The following CIP2A variants were observed in gnomAD, a reference collection of about 807,000 sequenced individuals.
CIP2A encodes the protein cellular inhibitor of PP2A, also known as protein CIP2A.
CIP2A carries 103 observed loss-of-function variants against 110.9 expected under a neutral mutation model. That is an observed-to-expected ratio of 0.93 (90% CI 0.79 to 1.09). The LOEUF (loss-of-function observed/expected upper bound fraction) is 1.09. CIP2A is among the 50% of genes least tolerant of loss of function. The pLI is 0.00. For synonymous variants in CIP2A, 381 were observed against 361.6 expected, an observed-to-expected ratio of 1.05 and a Z score of -0.61; for missense variants, 1,088 against 1,038.4, an observed-to-expected ratio of 1.05 and a Z score of -0.66.
chr3:108,588,064 C>CTTAAT (rs1939133915), intron 1 of CIP2A, among the ~76,000 whole-genome samples: 1 of 152,158 alleles, frequency 6.6e-6, no homozygotes, highest in Non-Finnish European at 1.5e-5. Flanking sequence ...AGGTGTAAGC[C>CTTAAT]CCTGTGCCTT....
chr3:108,565,385 A>G lies in CIP2A; in HGVS notation c.1485T>C (p.Gly495=). The G allele has an allele frequency of 1.3e-6, 2 of 1,596,848 alleles. No individual in the cohort carries two copies. ...LINKLKPLVP[G]MEVSFYKILQ... ...GTATTTTGTAGAAGCTTACTTCCAT[A>G]CCAGGAACCAATGGTTTAAGTTTGT... The change falls in exon 12 of 21, where the codon GGT becomes GGC. Residue 495 remains glycine, a synonymous_variant. Transcript: ENST00000295746.
intron 17 of CIP2A, among the ~76,000 whole-genome samples, chr3:108,557,006 T>C (rs1179756659): frequency 1.3e-5 from 2 of 152,168 alleles, no homozygotes; most frequent in Admixed American, 1.3e-4. Flanking sequence ...AGAAGTCAAC[T>C]GGAAAGACCT....
Position 108,589,313 on chromosome 3 carries a change from C to CA in CIP2A, c.62_63insT (p.Lys21AsnfsTer34). On this transcript the variant is annotated frameshift_variant, in exon 1 of 21. Coordinates refer to ENST00000295746, the MANE Select transcript of CIP2A (RefSeq NM_020890.3). LOFTEE classifies it high-confidence loss of function. ...AAAGCTGAGTGGCGTTCGCCTCTGA[C>CA]TTCACGGCTTTGTACTGACTGACAG... The CA allele has an allele frequency of 6.2e-7, 1 of 1,614,128 alleles. No individual in the cohort carries two copies. Among genetic ancestry groups the CA allele is most frequent in the Non-Finnish European group, 8.5e-7 (1 of 1,179,998 alleles).
At position 108,581,418 on chromosome 3, in the gene CIP2A, T is replaced by C. The variant is rs1238295809; in HGVS notation, c.546A>G (p.Thr182=). 4 of 1,600,688 alleles carry C rather than the reference T, an allele frequency of 2.5e-6. No individual in the cohort carries two copies. In the African/African-American group the frequency reaches 4.0e-5, roughly 16 times the overall value. ...HNLSVQTHIK[T]LSNVKSFYRT... ...TAAAAAGAAATAAACTTCTTACCAA[T>C]GTCTTTATGTGCGTTTGAACAGAAA... is the stretch of plus-strand genomic sequence containing the variant. Residue 182 remains threonine (T), a synonymous_variant, in exon 5 of 21, where the codon ACA becomes ACG. Transcript: ENST00000295746.
At chr3:108,563,704 T>A (rs1267047369) in intron 12 of CIP2A, among the ~76,000 whole-genome samples, 1 of 152,038 alleles carries the variant, frequency 6.6e-6, no homozygotes, top group Non-Finnish European at 1.5e-5. Flanking sequence ...CTTCAATCAT[T>A]TATGTCAGTA....
chr3:108,580,412 CT>C lies in CIP2A; in HGVS notation c.550-725del, dbSNP rs555183819. On this transcript the variant is annotated intron_variant, in intron 5 of 20. Transcript: ENST00000295746. The stretch of plus-strand genomic sequence containing the variant: ...TGTTTCCTAAATATGAACATATGAA[CT>C]TTTTTTTCAATTCAGAAATTGAAAC... Among the ~76,000 whole-genome samples the C allele has an allele frequency of 5.8e-4, 83 of 143,278 alleles. 1 individual carries two copies. Among genetic ancestry groups the C allele is most frequent in the Non-Finnish European group, 9.6e-4 (63 of 65,496 alleles). The allele number at this position is 143,278 out of a possible 152,430, so 94.0% of individuals were successfully genotyped here.
intron 8 of CIP2A, among the ~76,000 whole-genome samples, chr3:108,572,070 G>GA (rs1241460148): frequency 6.6e-6 from 1 of 151,930 alleles, no homozygotes; most frequent in Non-Finnish European, 1.5e-5. Context: ...ATACAATGTA[G>GA]AAAAATAATA....
chr3:108,579,677 T>C lies in CIP2A; in HGVS notation c.561A>G (p.Lys187=). The change falls in exon 6 of 21, where the codon AAA becomes AAG. Residue 187 remains lysine (K), a synonymous_variant. Transcript: ENST00000295746. ...QTHIKTLSNV[K]SFYRTLITLL... ...AGGTGATAAGAGTTCGATAAAAAGATTTCACATTACTCTGAGGAAAAAAAA... is the reference window on the plus strand; with the variant it reads ...AGGTGATAAGAGTTCGATAAAAAGACTTCACATTACTCTGAGGAAAAAAAA... 1.3e-6 allele frequency: 2 copies of C among 1,564,590 alleles called. No homozygotes were observed. Among genetic ancestry groups the C allele is most frequent in the Non-Finnish European group, 1.7e-6 (2 of 1,160,340 alleles).
At chr3:108,582,580 T>C (rs1938917784) in intron 3 of CIP2A, among the ~76,000 whole-genome samples, 1 of 152,240 alleles carries the variant, frequency 6.6e-6, no homozygotes, top group South Asian at 2.1e-4. Flanking sequence ...CAATGAAATA[T>C]GAAGAGCTTT....
In CIP2A at chr3:108,579,431, A is replaced by T; in HGVS notation, c.673-5T>A. ...AATGTTTCGAGCATGGAATAGCTTA[A>T]GGACAAATTAGAAAAAGCATATTAG... On this transcript the variant is annotated splice_region_variant and splice_polypyrimidine_tract_variant and intron_variant, in intron 6 of 20. Coordinates refer to ENST00000295746, the MANE Select transcript of CIP2A (RefSeq NM_020890.3). 3 of 1,596,570 alleles carry T rather than the reference A, an allele frequency of 1.9e-6. No homozygotes were observed. The highest frequency in any genetic ancestry group is 2.6e-6 in the Non-Finnish European group (3 of 1,171,478).
At chr3:108,586,535 A>C (rs530109717) in intron 1 of CIP2A, among the ~76,000 whole-genome samples, 2 of 152,304 alleles carry the variant, frequency 1.3e-5, no homozygotes, top group African/African-American at 4.8e-5. Flanking sequence ...TGAATCTCTT[A>C]AAACAAAGAT....
chr3:108,588,079 C>T (rs151261091), intron 1 of CIP2A, among the ~76,000 whole-genome samples: 12 of 152,264 alleles, frequency 7.9e-5, no homozygotes, highest in Non-Finnish European at 1.3e-4. Flanking sequence ...TGCCTTAAAT[C>T]TCTTTCAGTG....
rs762659292 is a variant in CIP2A at position 108,582,125 on chromosome 3, C to T, written c.435G>A (p.Thr145=). The change falls in exon 4 of 21, where the codon ACG becomes ACA. Residue 145 remains threonine, a synonymous_variant. Transcript: ENST00000295746. ...ATACTCACATGTGATCTATCAGGAA[C>T]GTAATTAATTCATCTATATTGGCAC... ...YSGANIDELI[T]FLIDHIQSSE... 15 of 1,458,346 alleles carry T rather than the reference C, an allele frequency of 1.0e-5. No individual in the cohort carries two copies. The highest frequency in any genetic ancestry group is 1.8e-4 in the Middle Eastern group (1 of 5,686). 90.3% of individuals were successfully genotyped at this position (1,458,346 alleles called of 1,614,324 possible). A position where few individuals can be genotyped will look rare whatever the true frequency, so the allele number is the denominator to read the frequency against.
chr3:108,557,499 G>A, intron 16 of CIP2A, 85 bp from the exon 17 acceptor site: 1 of 1,010,614 alleles, frequency 9.9e-7, no homozygotes, highest in East Asian at 2.6e-5. Flanking sequence ...AGTTTACTAA[G>A]TATCTAATAA....
At chr3:108,576,872 G>C (rs1418875497) in intron 7 of CIP2A, among the ~76,000 whole-genome samples, 2 of 152,112 alleles carry the variant, frequency 1.3e-5, no homozygotes, top group African/African-American at 2.4e-5. Context: ...TCCTAGATTT[G>C]GGAGATGGTG....
chr3:108,552,479 G>A, intron 19 of CIP2A, 106 bp from the exon 20 acceptor site: 1 of 609,230 alleles, frequency 1.6e-6, no homozygotes, highest in Non-Finnish European at 2.6e-6. Flanking sequence ...ACTAGAACAA[G>A]GAAGAGAAAC....
In CIP2A at chr3:108,585,118, G is replaced by C; in HGVS notation, c.197C>G (p.Pro66Arg). 2 of 1,613,462 alleles carry C rather than the reference G, an allele frequency of 1.2e-6. No individual in the cohort carries two copies. The highest frequency in any genetic ancestry group is 1.7e-6 in the Non-Finnish European group (2 of 1,179,522). ...TAAGATCAGTGAAGCACTTATGTTG[G>C]GGTCTTCAAGTAGCTCTACAAGGCA... ...LSCLVELLED[P>R]NISASLILSI... Residue 66 changes from proline to arginine, a missense_variant, in exon 2 of 21, where the codon CCC becomes CGC. Physicochemically the swap from Pro to Arg is moderately radical, Grantham distance 103 (BLOSUM62 -2). Transcript: ENST00000295746.
intron 1 of CIP2A, chr3:108,585,760 AAGGG>A (rs1254638777): frequency 4.4e-6 from 2 of 456,406 alleles, no homozygotes; most frequent in Non-Finnish European, 8.8e-6. Flanking sequence ...CTCAGAAGTT[AAGGG>A]ATTAAAGAAG....
Position 108,552,218 on chromosome 3 carries a change from T to G in CIP2A, c.2547+16A>C. ...TTTTTATTTTACTGCAAATGAGAAA[T>G]GGAACAGATTCTTACCTTAATGCTC... On this transcript the variant is annotated intron_variant, in intron 20 of 20. Coordinates refer to ENST00000295746, the MANE Select transcript of CIP2A (RefSeq NM_020890.3). 2 of 1,543,036 alleles carry G rather than the reference T, an allele frequency of 1.3e-6. No homozygotes were observed. Among genetic ancestry groups the G allele is most frequent in the Middle Eastern group, 3.4e-4 (2 of 5,900 alleles).
Sources: gnomAD v4.1 joint callset for allele counts (sites outside exome capture counted in the v4.1 genomes callset) on GRCh38, gnomAD v4.1.1 for gene constraint, MANE v1.5 for transcripts, NCBI Gene and HGNC (gene_info 2026-07-23, HGNC 2026-07-21) for gene names.